The following TAFA2 variants were observed in gnomAD, a reference collection of about 807,000 sequenced individuals.
The protein encoded by TAFA2 is TAFA chemokine like family member 2.
In TAFA2, 7 loss-of-function variants were observed where a neutral mutation model predicts 18.8. The ratio of observed to expected loss-of-function variants is 0.37; its 90% CI spans 0.21 to 0.70. The LOEUF (loss-of-function observed/expected upper bound fraction) is 0.70, where lower values mean the gene tolerates loss of function less well. Ranked by LOEUF, TAFA2 falls within the 30% of genes least tolerant of loss-of-function variation. The pLI, the probability that TAFA2 is intolerant of heterozygous loss-of-function variation, is 0.53. For missense variants in TAFA2, 122 were observed against 158.1 expected (o/e 0.77, Z 1.23); for synonymous variants, 60 against 54.2 (o/e 1.11, Z -0.47).
At position 62,168,190 on chromosome 12, in the gene TAFA2, T is replaced by A. The variant is rs548799015; in HGVS notation, c.-2+23069A>T. 2.3e-3 allele frequency among the ~76,000 whole-genome samples: 344 copies of A among 152,172 alleles called. 3 individuals carry two copies. Among genetic ancestry groups the A allele is most frequent in the African/African-American group, 7.7e-3 (318 of 41,506 alleles). On this transcript the variant is annotated intron_variant, in intron 1 of 4. Coordinates refer to ENST00000416284, the MANE Select transcript of TAFA2 (RefSeq NM_178539.5). The stretch of plus-strand genomic sequence containing the variant: ...CTCTTTATAGAGATAGTCTCACCAA[T>A]AAATAAAAAAGGAATCATAGAATTC...
chr12:62,174,046 C>G (rs1321948234), intron 1 of TAFA2, among the ~76,000 whole-genome samples: 2 of 152,220 alleles, frequency 1.3e-5, no homozygotes, highest in Non-Finnish European at 2.9e-5. Flanking sequence ...AATGCCAGCA[C>G]TTTGGGAGGC....
chr12:61,730,812 G>A (rs1027107729), intron 4 of TAFA2, among the ~76,000 whole-genome samples: 3 of 152,106 alleles, frequency 2.0e-5, no homozygotes, highest in African/African-American at 7.2e-5. Flanking sequence ...AGTGTACAGG[G>A]CTGAGATCTT....
At chr12:61,902,393 T>C (rs1452986180) in intron 1 of TAFA2, among the ~76,000 whole-genome samples, 1 of 152,200 alleles carries the variant, frequency 6.6e-6, no homozygotes, top group East Asian at 1.9e-4. Context: ...ATAGAAACTA[T>C]CTCCTGTGCT....
At chr12:62,195,165 A>C (rs2136964648), upstream of TAFA2, among the ~76,000 whole-genome samples, 1 of 152,296 alleles carries the variant, frequency 6.6e-6, no homozygotes, top group Non-Finnish European at 1.5e-5. Context: ...TCTCTGTAAC[A>C]TGCAATGCTG....
chr12:61,734,200 ACAAT>A (rs1334760408), intron 4 of TAFA2, among the ~76,000 whole-genome samples: 3 of 151,902 alleles, frequency 2.0e-5, no homozygotes, highest in African/African-American at 7.3e-5. Flanking sequence ...TTCTAGATAC[ACAAT>A]CATGTCATCT....
rs138172683 is a variant in TAFA2 at position 61,768,589 on chromosome 12, G to A, written c.107-13565C>T. ...CTGAAGGTCCAGATCATGGGAGAAG[G>A]ATTTGACCTTACCTGGAGCTGAGAT... On this transcript the variant is annotated intron_variant, in intron 2 of 4. Coordinates refer to ENST00000416284, the MANE Select transcript of TAFA2 (RefSeq NM_178539.5). Among the ~76,000 whole-genome samples the A allele has an allele frequency of 2.4e-4, 36 of 152,210 alleles. No homozygotes were observed. In the East Asian group the frequency reaches 5.4e-3, roughly 23 times the overall value.
At chr12:61,742,004 C>T in intron 4 of TAFA2, among the ~76,000 whole-genome samples, 1 of 152,106 alleles carries the variant, frequency 6.6e-6, no homozygotes, top group Non-Finnish European at 1.5e-5. Context: ...TCAAGCAATT[C>T]TCATGCCTCA....
chr12:61,769,429 C>A (rs1565627902), intron 2 of TAFA2, among the ~76,000 whole-genome samples: 2 of 151,542 alleles, frequency 1.3e-5, no homozygotes, highest in Non-Finnish European at 3.0e-5. Context: ...GGAGGCCAAC[C>A]AACACAAAAC....
chr12:61,761,929 G>C (rs1339524680), intron 2 of TAFA2, among the ~76,000 whole-genome samples: 4 of 151,994 alleles, frequency 2.6e-5, no homozygotes, highest in African/African-American at 9.7e-5. Context: ...CATCCCCCTA[G>C]TCCTGTTCTT....
At chr12:62,240,138 G>T (rs1037429032) in intron 1 of TAFA2, among the ~76,000 whole-genome samples, 6 of 151,594 alleles carry the variant, frequency 4.0e-5, no homozygotes, top group Non-Finnish European at 8.8e-5. Context: ...ACAAAACTGG[G>T]CCAGGCTCCG....
intron 2 of TAFA2, among the ~76,000 whole-genome samples, chr12:61,816,455 C>T (rs1225142364): frequency 1.3e-5 from 2 of 151,250 alleles, no homozygotes; most frequent in South Asian, 4.1e-4. Flanking sequence ...CATGTCTTTG[C>T]TGTTTTGAAT....
intron 1 of TAFA2, among the ~76,000 whole-genome samples, chr12:62,185,912 A>ACC (rs2136956236): frequency 6.6e-6 from 1 of 152,250 alleles, no homozygotes; most frequent in East Asian, 1.9e-4. Context: ...TAACCACATA[A>ACC]CCCTTTTAAA....
intron 1 of TAFA2, among the ~76,000 whole-genome samples, chr12:61,939,047 C>T (rs892245675): frequency 2.6e-5 from 4 of 152,080 alleles, no homozygotes; most frequent in African/African-American, 9.7e-5. Flanking sequence ...ACAACTTGTA[C>T]CCCAAAAGCT....
In TAFA2 at chr12:62,182,373, C is replaced by G. The variant is rs527866801; in HGVS notation, c.-2+8886G>C. On this transcript the variant is annotated intron_variant, in intron 1 of 4. Transcript: ENST00000416284. ...TTTGGAGTCAGTGACCAGGTTTGAG[C>G]TGCTTGCCACAGGGAGAAACCTGTC... 8.1e-4 allele frequency among the ~76,000 whole-genome samples: 123 copies of G among 152,294 alleles called. 1 individual carries two copies. Among genetic ancestry groups the G allele is most frequent in the Non-Finnish European group, 1.1e-3 (77 of 68,034 alleles).
chr12:61,930,073 C>T (rs76736307), intron 1 of TAFA2, among the ~76,000 whole-genome samples: 11,373 of 151,644 alleles, frequency 0.075, 634 homozygotes, highest in South Asian at 0.27. Context: ...AGTTGATGGG[C>T]GCAGCACACC....
At chr12:61,778,008 T>C (rs1472123869) in intron 2 of TAFA2, among the ~76,000 whole-genome samples, 1 of 151,804 alleles carries the variant, frequency 6.6e-6, no homozygotes, top group Non-Finnish European at 1.5e-5. Flanking sequence ...GCTCATTCTT[T>C]AGGGTCAAAT....
intron 2 of TAFA2, among the ~76,000 whole-genome samples, chr12:61,856,404 T>C (rs149691927): frequency 6.6e-6 from 1 of 152,172 alleles, no homozygotes; most frequent in Non-Finnish European, 1.5e-5. Context: ...ATAGAAGTTT[T>C]ACTTATCATC....
At chr12:61,752,566 C>A (rs1456004377) in intron 4 of TAFA2, among the ~76,000 whole-genome samples, 1 of 151,952 alleles carries the variant, frequency 6.6e-6, no homozygotes, top group African/African-American at 2.4e-5. Flanking sequence ...AAAGGTGTGA[C>A]ACTTAGCTAA....
intron 2 of TAFA2, among the ~76,000 whole-genome samples, chr12:61,833,361 G>A (rs909746715): frequency 1.3e-5 from 2 of 151,724 alleles, no homozygotes; most frequent in East Asian, 2.0e-4. Flanking sequence ...CTATGGCCTA[G>A]TCAGTAGAGT....
Sources: allele counts gnomAD v4.1 joint callset (sites outside exome capture counted in the v4.1 genomes callset), GRCh38; gene constraint gnomAD v4.1.1; transcripts MANE v1.5; gene names NCBI Gene and HGNC (gene_info 2026-07-23, HGNC 2026-07-21).